ARHGAP20: variants seen among roughly 807,000 people sequenced by gnomAD.
ARHGAP20 encodes the protein Rho GTPase activating protein 20.
Under a neutral mutation model 73.7 loss-of-function variants are expected in ARHGAP20, and 34 were observed. The observed-to-expected ratio is 0.46, with a 90% confidence interval of 0.35 to 0.61. ARHGAP20 has a LOEUF of 0.61. Among genes scored for constraint, ARHGAP20 ranks in the 20% least tolerant of loss-of-function variants. ARHGAP20 has a pLI of 0.00. For synonymous variants in ARHGAP20, 523 were observed against 518.2 expected (o/e 1.01, Z -0.13); for missense variants, 1,314 against 1,420.9 (o/e 0.92, Z 1.21).
intron 2 of ARHGAP20, among the ~76,000 whole-genome samples, chr11:110,664,555 C>A (rs1196461450): frequency 6.6e-6 from 1 of 151,724 alleles, no homozygotes; most frequent in Non-Finnish European, 1.5e-5. Context: ...GGTGAAACCC[C>A]ATCTCTACCA....
intron 2 of ARHGAP20, among the ~76,000 whole-genome samples, chr11:110,648,206 TGTAA>T (rs1565457417): frequency 9.1e-5 from 8 of 87,926 alleles, no homozygotes; most frequent in African/African-American, 3.2e-4. Flanking sequence ...TATATATATA[TGTAA>T]ATATATATAT....
intron 2 of ARHGAP20, among the ~76,000 whole-genome samples, chr11:110,655,766 A>T (rs951859040): frequency 6.6e-6 from 1 of 152,094 alleles, no homozygotes; most frequent in African/African-American, 2.4e-5. Flanking sequence ...AGAGATGACC[A>T]AAAAAGAGGG....
At chr11:110,585,530 ATAT>A (rs1432819171) in intron 12 of ARHGAP20, among the ~76,000 whole-genome samples, 1 of 152,174 alleles carries the variant, frequency 6.6e-6, no homozygotes, top group African/African-American at 2.4e-5. Context: ...CAAGTAAATA[ATAT>A]TGAGATTCTT....
chr11:110,640,706 C>T (rs1011706421), intron 2 of ARHGAP20, among the ~76,000 whole-genome samples: 9 of 128,440 alleles, frequency 7.0e-5, no homozygotes, highest in Middle Eastern at 6.0e-3. Context: ...GTGATTATAA[C>T]AATGTGATTG....
chr11:110,632,545 C>T (rs1308628720), intron 2 of ARHGAP20, among the ~76,000 whole-genome samples: 6 of 152,114 alleles, frequency 3.9e-5, no homozygotes, highest in African/African-American at 1.4e-4. Context: ...GCTGGGATTA[C>T]AGGCATGCAC....
chr11:110,623,222 A>G (rs1948666359), intron 4 of ARHGAP20, among the ~76,000 whole-genome samples: 1 of 152,192 alleles, frequency 6.6e-6, no homozygotes, highest in African/African-American at 2.4e-5. Flanking sequence ...GGAAAATTTA[A>G]GTTGTCTGGC....
At position 110,594,384 on chromosome 11, in the gene ARHGAP20, G is replaced by T. The variant is rs140180453; in HGVS notation, c.965-2229C>A. On this transcript the variant is annotated intron_variant, in intron 9 of 14. Coordinates refer to ENST00000683387, the MANE Select transcript of ARHGAP20 (RefSeq NM_001384657.1). The stretch of plus-strand genomic sequence containing the variant: ...CTTAAAATGTAAAGGATATGAATTA[G>T]CCCTCAAAGGCTTATTGAAAGGATT... Among the ~76,000 whole-genome samples the T allele has an allele frequency of 1.2e-4, 18 of 152,230 alleles. No homozygotes were observed. In the East Asian group the frequency reaches 3.3e-3, roughly 28 times the overall value.
intron 2 of ARHGAP20, among the ~76,000 whole-genome samples, chr11:110,654,757 G>GT (rs1175458108): frequency 6.6e-6 from 1 of 152,176 alleles, no homozygotes; most frequent in Non-Finnish European, 1.5e-5. Flanking sequence ...AACATTCAGC[G>GT]TAAGTGCTAA....
intron 2 of ARHGAP20, among the ~76,000 whole-genome samples, chr11:110,635,973 G>T (rs1287877328): frequency 6.6e-6 from 1 of 152,070 alleles, no homozygotes; most frequent in African/African-American, 2.4e-5. Flanking sequence ...ATAATATTTT[G>T]CTGAGCTTTA....
intron 9 of ARHGAP20, among the ~76,000 whole-genome samples, chr11:110,601,750 G>A (rs758425495): frequency 5.2e-4 from 79 of 152,130 alleles, no homozygotes; most frequent in Non-Finnish European, 8.7e-4. Context: ...TTGGGAGGCC[G>A]AGGCGGGTGG....
intron 2 of ARHGAP20, among the ~76,000 whole-genome samples, chr11:110,664,801 G>T (rs1356802746): frequency 6.6e-6 from 1 of 151,706 alleles, no homozygotes; most frequent in African/African-American, 2.4e-5. Flanking sequence ...AATACTTAGG[G>T]TAAATATGAA....
chr11:110,630,471 C>T (rs530913013), intron 3 of ARHGAP20, among the ~76,000 whole-genome samples, 157 bp downstream of exon 3: 13 of 146,420 alleles, frequency 8.9e-5, no homozygotes, highest in South Asian at 6.7e-4. Context: ...AATGAACAAT[C>T]GATTTTTTTT....
chr11:110,596,617 T>C (rs1207885513), intron 9 of ARHGAP20, among the ~76,000 whole-genome samples: 2 of 152,074 alleles, frequency 1.3e-5, no homozygotes, highest in Non-Finnish European at 2.9e-5. Flanking sequence ...GTTAGAATGG[T>C]GATCATTGAA....
chr11:110,609,129 GT>G, intron 7 of ARHGAP20, 79 bp from the exon 8 acceptor site: 1 of 1,077,784 alleles, frequency 9.3e-7, no homozygotes, highest in Non-Finnish European at 1.4e-6. Flanking sequence ...TTTTTTTTTG[GT>G]TATGTGTCCT....
intron 2 of ARHGAP20, among the ~76,000 whole-genome samples, chr11:110,640,376 G>A (rs1949053755): frequency 6.6e-6 from 1 of 152,060 alleles, no homozygotes; most frequent in South Asian, 2.1e-4. Flanking sequence ...GTTCTGACAT[G>A]TAGGTTAGAA....
At chr11:110,582,280 T>C (rs753911660) in intron 14 of ARHGAP20, 41 bp downstream of exon 14, 7 of 1,457,002 alleles carry the variant, frequency 4.8e-6, no homozygotes, top group Non-Finnish European at 2.9e-6. Flanking sequence ...AACAACCATG[T>C]GTCTGTTTCT....
intron 1 of ARHGAP20, among the ~76,000 whole-genome samples, chr11:110,697,432 T>C (rs905844313): frequency 1.3e-5 from 2 of 151,844 alleles, no homozygotes; most frequent in South Asian, 2.1e-4. Flanking sequence ...GAGCTGTTTT[T>C]TTCTTGTCGA....
chr11:110,631,408 C>T (rs114083907), intron 2 of ARHGAP20, among the ~76,000 whole-genome samples: 79 of 152,282 alleles, frequency 5.2e-4, no homozygotes, highest in African/African-American at 1.9e-3. Flanking sequence ...TTTATTTCTC[C>T]ACTGCAGGCT....
intron 7 of ARHGAP20, among the ~76,000 whole-genome samples, chr11:110,610,415 T>C (rs1948339594): frequency 6.6e-6 from 1 of 152,146 alleles, no homozygotes; most frequent in Admixed American, 6.5e-5. Flanking sequence ...CATAGTATTC[T>C]ACAATATTAT....
Sources: gnomAD v4.1 joint callset for allele counts (sites outside exome capture counted in the v4.1 genomes callset) on GRCh38, gnomAD v4.1.1 for gene constraint, MANE v1.5 for transcripts, NCBI Gene and HGNC (gene_info 2026-07-23, HGNC 2026-07-21) for gene names.